Variants in CDKN2B-AS1 observed in about 807,000 individuals in gnomAD.
The protein encoded by CDKN2B-AS1 is CDKN2B antisense RNA 1 (non-protein coding).
chr9:22,079,204 C>G (rs1192081182), intron 4 of CDKN2B-AS1, among the ~76,000 whole-genome samples: 5 of 152,292 alleles, frequency 3.3e-5, no homozygotes, highest in African/African-American at 1.2e-4. Context: ...TGAAAAGTGG[C>G]CGGGTGCAGT....
At chr9:22,106,430 T>C (rs750775959) in intron 4 of CDKN2B-AS1, among the ~76,000 whole-genome samples, 9 of 152,292 alleles carry the variant, frequency 5.9e-5, no homozygotes, top group Middle Eastern at 6.8e-3. Flanking sequence ...TTGACCAGGC[T>C]GGTCTGGAAC....
chr9:22,118,041 C>T (rs1825999018), intron 4 of CDKN2B-AS1: 1 of 152,388 alleles, frequency 6.6e-6, no homozygotes, highest in Non-Finnish European at 1.5e-5. Flanking sequence ...TGGATCCTGA[C>T]TTTCTGACTC....
In CDKN2B-AS1 at chr9:22,001,991, C is replaced by T. The variant is rs1291055979; in HGVS notation, n.29+6830C>T. On this transcript the variant is annotated intron_variant and non_coding_transcript_variant, in intron 1 of 4. Coordinates refer to ENST00000650946, the Ensembl canonical transcript of CDKN2B-AS1. This position sits in a 1 kb window ranked among gnomAD's most constrained non-coding sequence, Gnocchi z 4.2. Reference sequence around the variant, plus strand: ...AAGTATTGAGGCTCAACTGTTGTTGCCCCTTTAAGTAATTTCTAAAATTAA... The same window carrying T: ...AAGTATTGAGGCTCAACTGTTGTTGTCCCTTTAAGTAATTTCTAAAATTAA... Among the ~76,000 whole-genome samples the T allele has an allele frequency of 6.6e-6, 1 of 151,970 alleles. No homozygotes were observed. The highest frequency in any genetic ancestry group is 1.5e-5 in the Non-Finnish European group (1 of 67,928).
At chr9:22,080,847 C>T (rs912418662) in intron 4 of CDKN2B-AS1, among the ~76,000 whole-genome samples, 24 of 152,166 alleles carry the variant, frequency 1.6e-4, no homozygotes, top group Non-Finnish European at 1.8e-4. Context: ...GTGGGCTGAG[C>T]CAGACTCAGA....
chr9:22,109,205 C>G (rs1023885506), intron 4 of CDKN2B-AS1, among the ~76,000 whole-genome samples: 4 of 152,126 alleles, frequency 2.6e-5, no homozygotes, highest in African/African-American at 9.7e-5. Context: ...TGGTCCTTTC[C>G]TGGTTCAAGA....
intron 4 of CDKN2B-AS1, among the ~76,000 whole-genome samples, chr9:22,078,553 G>T (rs1419612348): frequency 6.6e-6 from 1 of 152,182 alleles, no homozygotes; most frequent in East Asian, 1.9e-4. Flanking sequence ...AAATCTTAGG[G>T]AAGTGTGTCT....
At chr9:22,086,500 A>C (rs1225315308) in intron 4 of CDKN2B-AS1, among the ~76,000 whole-genome samples, 1 of 152,208 alleles carries the variant, frequency 6.6e-6, no homozygotes, top group African/African-American at 2.4e-5. Context: ...CACTTATCTC[A>C]CATGTAAGTT....
intron 4 of CDKN2B-AS1, among the ~76,000 whole-genome samples, chr9:22,068,356 G>A (rs748594139): frequency 2.0e-5 from 3 of 152,074 alleles, no homozygotes; most frequent in Non-Finnish European, 2.9e-5. Context: ...AGAATGCAAG[G>A]GAATATAATC....
intron 1 of CDKN2B-AS1, among the ~76,000 whole-genome samples, chr9:22,025,840 C>A (rs1317012180): frequency 6.6e-6 from 1 of 152,182 alleles, no homozygotes; most frequent in Non-Finnish European, 1.5e-5. Context: ...AGTCTTGCCC[C>A]ATTTTCATAG....
chr9:22,088,795 C>T (rs775136485), intron 4 of CDKN2B-AS1, among the ~76,000 whole-genome samples: 8 of 152,156 alleles, frequency 5.3e-5, no homozygotes, highest in Non-Finnish European at 8.8e-5. Flanking sequence ...TCTTTATGAA[C>T]TTTGAAACAC....
Position 21,996,946 on chromosome 9 carries a change from A to C in CDKN2B-AS1, n.29+1785A>C, listed in dbSNP as rs1456764492. Among the ~76,000 whole-genome samples, 1 of 152,166 alleles carries C rather than the reference A, an allele frequency of 6.6e-6. No homozygotes were observed. The highest frequency in any genetic ancestry group is 1.5e-5 in the Non-Finnish European group (1 of 68,028). On this transcript the variant is annotated intron_variant and non_coding_transcript_variant, in intron 1 of 4. Coordinates refer to ENST00000650946, the Ensembl canonical transcript of CDKN2B-AS1. The surrounding 1 kb of genome is among the most constrained non-coding windows in gnomAD (Gnocchi z 5.4). The stretch of plus-strand genomic sequence containing the variant: ...ATCTTTTGAAGTCGCTATCTATATC[A>C]GTCAGTTCTCCAGGGAAACAGAACC...
chr9:22,120,596 T>C (rs1424688020), intron 4 of CDKN2B-AS1: 1 of 152,146 alleles, frequency 6.6e-6, no homozygotes, highest in Non-Finnish European at 1.5e-5. Flanking sequence ...CCTATATCTC[T>C]CTACTAATGG....
chr9:22,011,782 A>G (rs753488653), intron 1 of CDKN2B-AS1, among the ~76,000 whole-genome samples: 1 of 152,202 alleles, frequency 6.6e-6, no homozygotes, highest in Non-Finnish European at 1.5e-5. Context: ...CTCTCCTTGA[A>G]ACCCAGCTGT....
At chr9:22,110,226 G>A (rs1432404337) in intron 4 of CDKN2B-AS1, among the ~76,000 whole-genome samples, 1 of 152,042 alleles carries the variant, frequency 6.6e-6, no homozygotes, top group Non-Finnish European at 1.5e-5. Flanking sequence ...TGAATTCTCT[G>A]ATATCAGCAA....
At position 22,008,969 on chromosome 9, in the gene CDKN2B-AS1, C is replaced by A. The variant is rs755368672; in HGVS notation, n.29+13808C>A. On this transcript the variant is annotated intron_variant and non_coding_transcript_variant, in intron 1 of 4. Transcript: ENST00000650946. ...CCTCGCGCATTCCGCAGCCCCCAGACGCGCAGCGGCCCGGATAATCCACCG... is the reference window on the plus strand; with the variant it reads ...CCTCGCGCATTCCGCAGCCCCCAGAAGCGCAGCGGCCCGGATAATCCACCG... 4 of 1,613,160 alleles carry A rather than the reference C, an allele frequency of 2.5e-6. No homozygotes were observed. The African/African-American group carries it at 5.3e-5, about 22-fold the overall frequency.
intron 4 of CDKN2B-AS1, among the ~76,000 whole-genome samples, chr9:22,121,350 A>T (rs10217586): frequency 0.52 from 78,673 of 151,484 alleles, 20,473 homozygotes; most frequent in Middle Eastern, 0.68. Flanking sequence ...TGCTCAAAGT[A>T]ATTTTTATTC....
At chr9:22,109,820 C>T (rs1825757312) in intron 4 of CDKN2B-AS1, among the ~76,000 whole-genome samples, 1 of 152,030 alleles carries the variant, frequency 6.6e-6, no homozygotes, top group African/African-American at 2.4e-5. Flanking sequence ...TGCTATGGTC[C>T]CTTTGAAGGG....
At chr9:22,062,821 A>G (rs1382946297) in intron 4 of CDKN2B-AS1, among the ~76,000 whole-genome samples, 1 of 151,706 alleles carries the variant, frequency 6.6e-6, no homozygotes, top group Non-Finnish European at 1.5e-5. Flanking sequence ...GGCTTGAGAG[A>G]AGGATTAGAG....
intron 4 of CDKN2B-AS1, among the ~76,000 whole-genome samples, chr9:22,109,112 G>A (rs910416911): frequency 5.9e-5 from 9 of 152,046 alleles, no homozygotes; most frequent in Non-Finnish European, 1.3e-4. Context: ...CAAATAAGAG[G>A]CGATCATCAT....
Sources: allele counts gnomAD v4.1 joint callset (sites outside exome capture counted in the v4.1 genomes callset), GRCh38; gene constraint gnomAD v4.1.1; non-coding constraint Gnocchi (gnomAD v3.1); transcripts MANE v1.5; gene names NCBI Gene and HGNC (gene_info 2026-07-23, HGNC 2026-07-21).